TCEA3: variants seen among roughly 807,000 people sequenced by gnomAD.
The protein encoded by TCEA3 is transcription elongation factor A3.
Under a neutral mutation model 44.0 loss-of-function variants are expected in TCEA3, and 36 were observed. That is an observed-to-expected ratio of 0.82 (90% confidence interval 0.63 to 1.08). The LOEUF (loss-of-function observed/expected upper bound fraction) is 1.08. TCEA3 is among the 50% of genes least tolerant of loss of function. TCEA3 has a pLI of 0.00. For synonymous variants in TCEA3, 162 were observed against 159.7 expected, an observed-to-expected ratio of 1.01 and a Z score of -0.11; for missense variants, 392 against 441.2, an observed-to-expected ratio of 0.89 and a Z score of 1.00.
intron 5 of TCEA3, among the ~76,000 whole-genome samples, chr1:23,407,043 C>T (rs779573389): frequency 1.3e-5 from 2 of 152,322 alleles, no homozygotes; most frequent in East Asian, 3.9e-4. Context: ...TCCAACACAT[C>T]GAGACCTGAA....
chr1:23,394,966 C>T (rs1639172739), intron 7 of TCEA3, among the ~76,000 whole-genome samples: 1 of 152,228 alleles, frequency 6.6e-6, no homozygotes, highest in Admixed American at 6.5e-5. Context: ...GGAACACAGC[C>T]TCATTTTCTT....
intron 4 of TCEA3, chr1:23,411,080 G>A: frequency 5.0e-6 from 1 of 198,348 alleles, no homozygotes; most frequent in South Asian, 1.1e-4. Flanking sequence ...AGATGACATG[G>A]CACAGAATAT....
intron 9 of TCEA3, among the ~76,000 whole-genome samples, chr1:23,386,130 T>G (rs540160874): frequency 1.2e-4 from 19 of 152,296 alleles, no homozygotes; most frequent in African/African-American, 4.6e-4. Flanking sequence ...CAGAGGAACA[T>G]TGTCTAGAAG....
chr1:23,408,450 G>A, intron 5 of TCEA3: 1 of 496,088 alleles, frequency 2.0e-6, no homozygotes, highest in East Asian at 3.2e-5. Context: ...ATGAATTGAA[G>A]AATTGACCAC....
At chr1:23,415,809 C>A (rs890875333) in intron 4 of TCEA3, among the ~76,000 whole-genome samples, 3 of 152,090 alleles carry the variant, frequency 2.0e-5, no homozygotes, top group African/African-American at 7.2e-5. Flanking sequence ...TGGAAAGGAA[C>A]AGAACATAGA....
intron 4 of TCEA3, among the ~76,000 whole-genome samples, chr1:23,414,214 C>T (rs1245473507): frequency 6.6e-6 from 1 of 151,664 alleles, no homozygotes; most frequent in Non-Finnish European, 1.5e-5. Flanking sequence ...TCCTCAGCCT[C>T]CCAAGTAGCT....
chr1:23,386,261 A>G (rs1372775185), intron 9 of TCEA3, among the ~76,000 whole-genome samples: 1 of 152,144 alleles, frequency 6.6e-6, no homozygotes, highest in Non-Finnish European at 1.5e-5. Context: ...GCTGGAGTGC[A>G]GTGGTGCAAT....
rs1193993174 is a variant in TCEA3 at position 23,413,087 on chromosome 1, G to T, written c.380+4162C>A. 3.9e-5 allele frequency among the ~76,000 whole-genome samples: 6 copies of T among 152,220 alleles called. No individual in the cohort carries two copies. The East Asian group carries it at 9.7e-4, about 24-fold the overall frequency. ...TTAGTGTCCCAGGAAAATGTATAGTGCATTTCAAATTTTATTAACAAAATA... is the reference window on the plus strand; with the variant it reads ...TTAGTGTCCCAGGAAAATGTATAGTTCATTTCAAATTTTATTAACAAAATA... On this transcript the variant is annotated intron_variant, in intron 4 of 10. Transcript: ENST00000450454.
chr1:23,384,343 G>C lies in TCEA3; in HGVS notation c.1038+3C>G, dbSNP rs1394724334. Reference sequence around the variant, plus strand: ...GAAGGGGGAAATACATAAACATACAGACCTTCCAGCGATTGCCACATTCAT... The same window carrying C: ...GAAGGGGGAAATACATAAACATACACACCTTCCAGCGATTGCCACATTCAT... On this transcript the variant is annotated splice_donor_region_variant and intron_variant, in intron 10 of 10. Coordinates refer to ENST00000450454, the MANE Select transcript of TCEA3 (RefSeq NM_003196.3). 6.2e-7 allele frequency: 1 copy of C among 1,613,848 alleles called. No homozygotes were observed. The highest frequency in any genetic ancestry group is 8.5e-7 in the Non-Finnish European group (1 of 1,179,900).
chr1:23,392,174 G>A (rs1639047389), intron 8 of TCEA3, among the ~76,000 whole-genome samples: 1 of 152,136 alleles, frequency 6.6e-6, no homozygotes, highest in Non-Finnish European at 1.5e-5. Context: ...GCTCTTTGCT[G>A]TTTGTTTTGG....
At chr1:23,398,425 CA>C (rs1219878868) in intron 5 of TCEA3, among the ~76,000 whole-genome samples, 1 of 152,212 alleles carries the variant, frequency 6.6e-6, no homozygotes, top group African/African-American at 2.4e-5. Context: ...ATATTTATTA[CA>C]AACCTATTCT....
At chr1:23,412,549 A>T (rs1266023552) in intron 4 of TCEA3, among the ~76,000 whole-genome samples, 1 of 152,082 alleles carries the variant, frequency 6.6e-6, no homozygotes, top group Non-Finnish European at 1.5e-5. Flanking sequence ...CTAAAAAAAA[A>T]ATACAAAAAT....
rs545718787 is a variant in TCEA3, at chr1:23,390,568, C to A, written c.820-3149G>T. ...TGGGGAAAAGTATTTGGGGTAGGTT[C>A]AAGTCAAGCATGGGAGATGTGGCTG... On this transcript the variant is annotated intron_variant, in intron 8 of 10. Coordinates refer to ENST00000450454, the MANE Select transcript of TCEA3 (RefSeq NM_003196.3). 5.9e-5 allele frequency among the ~76,000 whole-genome samples: 9 copies of A among 152,188 alleles called. No individual in the cohort carries two copies. The East Asian group carries it at 1.7e-3, about 29-fold the overall frequency.
At chr1:23,419,401 G>A (rs1016019292) in intron 1 of TCEA3, 3 of 349,472 alleles carry the variant, frequency 8.6e-6, no homozygotes, top group Non-Finnish European at 1.0e-5. Context: ...CCTCTCCCCA[G>A]GAATGCCCTC....
Position 23,381,350 on chromosome 1 carries a change from C to A in TCEA3, c.*116G>T. The A allele has an allele frequency of 1.4e-6, 1 of 736,008 alleles. No individual in the cohort carries two copies. The highest frequency in any genetic ancestry group is 2.5e-5 in the East Asian group (1 of 40,580). 45.6% of individuals were successfully genotyped at this position (736,008 alleles called of 1,614,324 possible). A position where few individuals can be genotyped will look rare whatever the true frequency, so the allele number is the denominator to read the frequency against. On this transcript the variant is annotated 3_prime_UTR_variant, in exon 11 of 11. Coordinates refer to ENST00000450454, the MANE Select transcript of TCEA3 (RefSeq NM_003196.3). ...AATTCTTCCTCTAACTCATACCATC[C>A]CACTCAGACAGAGTTCAGTATTTTC...
chr1:23,405,239 C>T lies in TCEA3; in HGVS notation c.443+3425G>A, dbSNP rs112791950. ...CCAAATCAATGAATGGATGAAAGAACGGAAGAGAAAAATGAAATAGAGAAG... is the reference window on the plus strand; with the variant it reads ...CCAAATCAATGAATGGATGAAAGAATGGAAGAGAAAAATGAAATAGAGAAG... On this transcript the variant is annotated intron_variant, in intron 5 of 10. Coordinates refer to ENST00000450454, the MANE Select transcript of TCEA3 (RefSeq NM_003196.3). Among the ~76,000 whole-genome samples, 388 of 151,980 alleles carry T rather than the reference C, an allele frequency of 2.6e-3. 4 individuals are homozygous for T. The highest frequency in any genetic ancestry group is 0.02 in the Middle Eastern group (6 of 294).
chr1:23,424,309 A>G (rs905088831), intron 1 of TCEA3, among the ~76,000 whole-genome samples: 4 of 151,940 alleles, frequency 2.6e-5, no homozygotes, highest in Non-Finnish European at 4.4e-5. Flanking sequence ...CTACACGTCC[A>G]AAGGGACGTG....
At chr1:23,396,468 C>T (rs769563554) in intron 7 of TCEA3, among the ~76,000 whole-genome samples, 1 of 152,096 alleles carries the variant, frequency 6.6e-6, no homozygotes, top group Non-Finnish European at 1.5e-5. Flanking sequence ...GCCACCTCTC[C>T]TGTCTACACA....
intron 6 of TCEA3, 83 bp from the exon 7 acceptor site, chr1:23,397,684 C>T: frequency 5.0e-6 from 8 of 1,604,960 alleles, no homozygotes; most frequent in Non-Finnish European, 5.1e-6. Context: ...CTAGAGTGTT[C>T]CTGTACCATC....
Sources: allele counts gnomAD v4.1 joint callset (sites outside exome capture counted in the v4.1 genomes callset), GRCh38; gene constraint gnomAD v4.1.1; transcripts MANE v1.5; gene names NCBI Gene and HGNC (gene_info 2026-07-23, HGNC 2026-07-21).